The following MEI1 variants were observed in gnomAD, a reference collection of about 807,000 sequenced individuals.
MEI1 encodes the protein meiotic double-stranded break formation protein 1.
MEI1 carries 103 observed loss-of-function variants against 146.2 expected under a neutral mutation model. The observed-to-expected ratio is 0.70, with a 90% confidence interval of 0.60 to 0.83. The LOEUF (loss-of-function observed/expected upper bound fraction) is 0.83. Among genes scored for constraint, MEI1 ranks in the 40% least tolerant of loss-of-function variants. MEI1 has a pLI of 0.00. For synonymous variants in MEI1, 652 were observed against 628.2 expected (o/e 1.04, Z -0.57); for missense variants, 1,529 against 1,533.0 (o/e 1.00, Z 0.04).
chr22:41,763,112 A>G, intron 18 of MEI1, 62 bp from the exon 19 acceptor site: 3 of 1,583,790 alleles, frequency 1.9e-6, no homozygotes, highest in East Asian at 2.2e-5. Flanking sequence ...GCCAGGCAGA[A>G]TAGAAGAGCC....
rs573922044 is a variant in MEI1, at chr22:41,722,905, A to G, written c.734-1038A>G. 1.3e-4 allele frequency among the ~76,000 whole-genome samples: 20 copies of G among 152,328 alleles called. No individual in the cohort carries two copies. In the East Asian group the frequency reaches 3.9e-3, roughly 29 times the overall value. On this transcript the variant is annotated intron_variant, in intron 6 of 30. Coordinates refer to ENST00000401548, the MANE Select transcript of MEI1 (RefSeq NM_152513.4). The stretch of plus-strand genomic sequence containing the variant: ...ACTTACCATGAATCCCAGCATAAGT[A>G]CCAGAATCCTTAACATAGCTTATGT...
chr22:41,711,177 T>C (rs2147282086), intron 3 of MEI1, among the ~76,000 whole-genome samples: 1 of 152,250 alleles, frequency 6.6e-6, no homozygotes, highest in African/African-American at 2.4e-5. Flanking sequence ...GTATTTCTTT[T>C]TTTTTCTTTT....
chr22:41,760,583 C>T (rs556825697), intron 18 of MEI1, among the ~76,000 whole-genome samples: 123 of 152,278 alleles, frequency 8.1e-4, no homozygotes, highest in African/African-American at 2.9e-3. Flanking sequence ...CAGAACCTCT[C>T]AGACACCGAA....
At chr22:41,790,458 C>G (rs1425683362) in intron 26 of MEI1, among the ~76,000 whole-genome samples, 1 of 152,222 alleles carries the variant, frequency 6.6e-6, no homozygotes, top group Non-Finnish European at 1.5e-5. Context: ...ATTTATTCCA[C>G]AGTAACCCAG....
intron 19 of MEI1, among the ~76,000 whole-genome samples, chr22:41,764,457 GCCTTT>G (rs2074715314): frequency 6.6e-6 from 1 of 152,100 alleles, no homozygotes; most frequent in Non-Finnish European, 1.5e-5. Context: ...CTTCCACTAT[GCCTTT>G]CTGTTTCCAC....
rs2075746079 is a variant in MEI1 at position 41,781,283 on chromosome 22, G to A, written c.2816-1G>A. 1.2e-6 allele frequency: 2 copies of A among 1,608,480 alleles called. No individual in the cohort carries two copies. The highest frequency in any genetic ancestry group is 1.7e-6 in the Non-Finnish European group (2 of 1,177,538). ...CGACTGGGGACTTTCATCTCTTGCAGTAAGCAAGCTGTGTGGGAAGTGCAG... is the reference window on the plus strand; with the variant it reads ...CGACTGGGGACTTTCATCTCTTGCAATAAGCAAGCTGTGTGGGAAGTGCAG... On this transcript the variant is annotated splice_acceptor_variant, in intron 22 of 30. Transcript: ENST00000401548. LOFTEE classifies it high-confidence loss of function.
chr22:41,784,771 C>A lies in MEI1; in HGVS notation c.3333C>A (p.Asn1111Lys). 6.2e-7 allele frequency: 1 copy of A among 1,608,210 alleles called. No homozygotes were observed. Among genetic ancestry groups the A allele is most frequent in the Non-Finnish European group, 8.5e-7 (1 of 1,176,914 alleles). ...QVRSLVIGLQ[N>K]LLVQKDPLLS... ...GGTCCCTGGTCATTGGGCTGCAGAA[C>A]CTCCTGGTGCAGGTAAGGCCCTTGC... The change falls in exon 26 of 31, where the codon AAC (asparagine) becomes AAA (lysine). Residue 1111 changes from asparagine (N) to lysine (K), a missense_variant. Physicochemically the swap from Asn to Lys is moderately conservative, Grantham distance 94. Transcript: ENST00000401548.
chr22:41,752,540 G>A (rs2073829281), intron 15 of MEI1, 51 bp from the exon 16 acceptor site: 1 of 1,515,678 alleles, frequency 6.6e-7, no homozygotes, highest in South Asian at 1.2e-5. Flanking sequence ...GGGACTCTCT[G>A]TGACAAGTCT....
At position 41,710,671 on chromosome 22, in the gene MEI1, T is replaced by A. The variant is rs9607833; in HGVS notation, c.350-3331T>A. On this transcript the variant is annotated intron_variant, in intron 3 of 30. Coordinates refer to ENST00000401548, the MANE Select transcript of MEI1 (RefSeq NM_152513.4). ...TGTGATCCCATTGCCTCACTTCTTT[T>A]GTGAAATGAGTTCCTTAATCCAAGT... Among the ~76,000 whole-genome samples, 7 of 152,276 alleles carry A rather than the reference T, an allele frequency of 4.6e-5. No homozygotes were observed. In the East Asian group the frequency reaches 1.3e-3, roughly 29 times the overall value.
intron 22 of MEI1, among the ~76,000 whole-genome samples, chr22:41,780,142 G>C (rs2075679125): frequency 6.6e-6 from 1 of 152,216 alleles, no homozygotes; most frequent in African/African-American, 2.4e-5. Context: ...GGGGATCTGT[G>C]TGTGACAAAC....
At chr22:41,735,023 G>A (rs1028961426) in intron 11 of MEI1, among the ~76,000 whole-genome samples, 2 of 150,120 alleles carry the variant, frequency 1.3e-5, no homozygotes, top group Non-Finnish European at 3.0e-5. Flanking sequence ...GTGCAGTGGC[G>A]TGATCTTGGC....
At chr22:41,774,934 C>T (rs1386278586) in intron 20 of MEI1, among the ~76,000 whole-genome samples, 1 of 152,102 alleles carries the variant, frequency 6.6e-6, no homozygotes, top group Non-Finnish European at 1.5e-5. Context: ...ATCAGCACAC[C>T]TGGGTTTGTC....
intron 6 of MEI1, among the ~76,000 whole-genome samples, chr22:41,721,250 T>C (rs943248097): frequency 1.4e-5 from 2 of 142,314 alleles, no homozygotes; most frequent in Admixed American, 1.4e-4. Flanking sequence ...TTTTTTTTTT[T>C]TTTTTTTTTT....
Position 41,784,547 on chromosome 22 carries a change from A to G in MEI1, c.3170-61A>G, listed in dbSNP as rs1265325159. The G allele has an allele frequency of 5.6e-5, 90 of 1,594,848 alleles. 1 individual carries two copies. Among genetic ancestry groups the G allele is most frequent in the Admixed American group, 1.2e-4 (7 of 59,328 alleles). Reference sequence around the variant, plus strand: ...TCTTCATTGTCTCCCATCCTGTGACAGAGCTGGGTGGGAGGTGGGAAGGAG... The same window carrying G: ...TCTTCATTGTCTCCCATCCTGTGACGGAGCTGGGTGGGAGGTGGGAAGGAG... On this transcript the variant is annotated intron_variant, in intron 25 of 30. Coordinates refer to ENST00000401548, the MANE Select transcript of MEI1 (RefSeq NM_152513.4).
intron 7 of MEI1, among the ~76,000 whole-genome samples, chr22:41,728,188 A>C (rs1235954178): frequency 6.6e-6 from 1 of 152,198 alleles, no homozygotes; most frequent in Non-Finnish European, 1.5e-5. Flanking sequence ...CACACAGTTC[A>C]AGCCTGTGTT....
rs1301383086 is a variant in MEI1, at chr22:41,743,210, C to T, written c.1446+16C>T. ...GAGGCCCCTGGTCAGTGTACTGCAGCCTGCTGCTTCCGAAGATCATGCTGC... is the reference window on the plus strand; with the variant it reads ...GAGGCCCCTGGTCAGTGTACTGCAGTCTGCTGCTTCCGAAGATCATGCTGC... On this transcript the variant is annotated intron_variant, in intron 12 of 30. Transcript: ENST00000401548. 1 of 1,557,014 alleles carries T rather than the reference C, an allele frequency of 6.4e-7. No homozygotes were observed. Among genetic ancestry groups the T allele is most frequent in the Non-Finnish European group, 8.9e-7 (1 of 1,129,826 alleles).
At position 41,798,225 on chromosome 22, in the gene MEI1, G is replaced by GCA. The variant is rs138708111; in HGVS notation, c.3780-1008_3780-1007dup. 4.2e-3 allele frequency among the ~76,000 whole-genome samples: 621 copies of GCA among 147,168 alleles called. 2 individuals carry two copies. Among genetic ancestry groups the GCA allele is most frequent in the African/African-American group, 6.2e-3 (247 of 40,048 alleles). Reference sequence around the variant, plus strand: ...CTTAAGAAAGCTTGGATGGCCAGGTGCACACACACACACACACACACAATG... The same window carrying GCA: ...CTTAAGAAAGCTTGGATGGCCAGGTGCACACACACACACACACACACACAATG... On this transcript the variant is annotated intron_variant, in intron 30 of 30. Coordinates refer to ENST00000401548, the MANE Select transcript of MEI1 (RefSeq NM_152513.4).
rs1347073671 is a variant in MEI1 at position 41,743,150 on chromosome 22, C to T, written c.1402C>T (p.Arg468Ter). The change falls in exon 12 of 31, where the codon CGA becomes TGA. Residue 468 changes from arginine to a stop codon, truncating the protein, a stop_gained. Coordinates refer to ENST00000401548, the MANE Select transcript of MEI1 (RefSeq NM_152513.4). LOFTEE classifies it high-confidence loss of function. The part of the protein sequence containing the change: ...LQALLEAMLN[R>*]CAEFSQTLLS... ...GGCTTTGCTAGAAGCCATGCTAAACCGATGTGCGGAGTTTTCCCAGACCTT... is the reference window on the plus strand; with the variant it reads ...GGCTTTGCTAGAAGCCATGCTAAACTGATGTGCGGAGTTTTCCCAGACCTT... 7 of 1,613,140 alleles carry T rather than the reference C, an allele frequency of 4.3e-6. No homozygotes were observed. Among genetic ancestry groups the T allele is most frequent in the South Asian group, 1.1e-5 (1 of 91,026 alleles).
At chr22:41,730,718 G>A in intron 9 of MEI1, 81 bp downstream of exon 9, 2 of 860,178 alleles carry the variant, frequency 2.3e-6, no homozygotes, top group Admixed American at 3.6e-5. Flanking sequence ...GTGATGGGGG[G>A]CTAGCCTCCA....
Sources: allele counts gnomAD v4.1 joint callset (sites outside exome capture counted in the v4.1 genomes callset), GRCh38; gene constraint gnomAD v4.1.1; transcripts MANE v1.5; gene names NCBI Gene and HGNC (gene_info 2026-07-23, HGNC 2026-07-21).